The following PIK3C2G variants were observed in gnomAD, a reference collection of about 807,000 sequenced individuals.
PIK3C2G encodes the protein phosphatidylinositol 3-kinase C2 domain-containing subunit gamma.
A neutral mutation model predicts 181.1 loss-of-function variants in PIK3C2G; 168 were observed. That is an observed-to-expected ratio of 0.93 (90% confidence interval 0.82 to 1.05). The LOEUF is 1.05. PIK3C2G is among the 50% of genes least tolerant of loss of function. The pLI, the probability that PIK3C2G is intolerant of heterozygous loss-of-function variation, is 0.00. For synonymous variants in PIK3C2G, 573 were observed against 592.2 expected, an observed-to-expected ratio of 0.97 and a Z score of 0.47; for missense variants, 1,869 against 1,732.8, an observed-to-expected ratio of 1.08 and a Z score of -1.40.
Position 18,314,032 on chromosome 12 carries a change from A to G in PIK3C2G, c.1105A>G (p.Ser369Gly), listed in dbSNP as rs995521239. ...KSVIQLHLQK[S>G]REAPGKLSRK... ...TGTTATTCAGCTCCACCTGCAGAAA[A>G]GTAGGGAAGCTCCAGGAAAGCTATC... The change falls in exon 6 of 33, where the codon AGT becomes GGT. Residue 369 changes from serine to glycine, a missense_variant. Transcript: ENST00000538779. The G allele has an allele frequency of 1.1e-5, 17 of 1,584,254 alleles. No homozygotes were observed. Among genetic ancestry groups the G allele is most frequent in the Non-Finnish European group, 1.5e-5 (17 of 1,162,720 alleles).
At chr12:18,451,376 T>C (rs906803299) in intron 18 of PIK3C2G, among the ~76,000 whole-genome samples, 1 of 152,222 alleles carries the variant, frequency 6.6e-6, no homozygotes, top group Non-Finnish European at 1.5e-5. Flanking sequence ...GGCTCTATGC[T>C]TGTCTATTAT....
intron 1 of PIK3C2G, among the ~76,000 whole-genome samples, chr12:18,253,463 G>A (rs58140091): frequency 0.11 from 16,559 of 152,004 alleles, 1,410 homozygotes; most frequent in African/African-American, 0.22. Flanking sequence ...AGAGTAAAAC[G>A]TGTGTGTGTA....
chr12:18,487,434 T>C (rs903411385), intron 18 of PIK3C2G, among the ~76,000 whole-genome samples: 4 of 152,134 alleles, frequency 2.6e-5, no homozygotes, highest in East Asian at 1.9e-4. Flanking sequence ...AATCCTTTTT[T>C]TTTAAGTATT....
At chr12:18,406,548 A>C (rs987169532) in intron 16 of PIK3C2G, among the ~76,000 whole-genome samples, 2 of 152,164 alleles carry the variant, frequency 1.3e-5, no homozygotes, top group Non-Finnish European at 2.9e-5. Context: ...GGTCAGAAAA[A>C]CATGTTTGAT....
At chr12:18,553,282 C>G (rs1158715336) in intron 26 of PIK3C2G, among the ~76,000 whole-genome samples, 2 of 152,024 alleles carry the variant, frequency 1.3e-5, no homozygotes, top group African/African-American at 2.4e-5. Flanking sequence ...CATACAACTT[C>G]CTTTTAATAT....
the PIK3C2G span, among the ~76,000 whole-genome samples, chr12:18,680,818 G>C: frequency 2.6e-5 from 4 of 151,936 alleles, no homozygotes; most frequent in Non-Finnish European, 5.9e-5. Flanking sequence ...TGATCTGGGG[G>C]AGATTTCAAA....
chr12:18,582,493 C>A (rs961809300), intron 29 of PIK3C2G, among the ~76,000 whole-genome samples: 1 of 152,136 alleles, frequency 6.6e-6, no homozygotes, highest in Non-Finnish European at 1.5e-5. Flanking sequence ...GCACCAGGAG[C>A]TTTAGATACC....
At chr12:18,303,080 A>C (rs555239685) in intron 5 of PIK3C2G, among the ~76,000 whole-genome samples, 4 of 128,068 alleles carry the variant, frequency 3.1e-5, no homozygotes, top group East Asian at 2.8e-4. Context: ...TGATTTAAGT[A>C]ATTTCTTTTT....
At chr12:18,695,965 C>G in the PIK3C2G span, among the ~76,000 whole-genome samples, 3 of 152,084 alleles carry the variant, frequency 2.0e-5, no homozygotes, top group Non-Finnish European at 1.5e-5. Flanking sequence ...ATTTACCCCG[C>G]TTCAACCCAG....
At chr12:18,691,853 T>C in the PIK3C2G span, among the ~76,000 whole-genome samples, 1 of 152,178 alleles carries the variant, frequency 6.6e-6, no homozygotes, top group South Asian at 2.1e-4. Context: ...GCCAGCTACA[T>C]ACTTCACAGG....
At chr12:18,700,481 A>T in the PIK3C2G span, among the ~76,000 whole-genome samples, 11 of 130,904 alleles carry the variant, frequency 8.4e-5, no homozygotes, top group Non-Finnish European at 1.4e-4. Context: ...TGGTTCTGGG[A>T]TGTGCGCATA....
At chr12:18,540,949 C>T (rs902465395) in intron 25 of PIK3C2G, among the ~76,000 whole-genome samples, 2 of 151,904 alleles carry the variant, frequency 1.3e-5, no homozygotes, top group Non-Finnish European at 2.9e-5. Flanking sequence ...ATCATCAAAG[C>T]ATTTAGTGAA....
chr12:18,582,137 G>A (rs935189546), intron 29 of PIK3C2G, among the ~76,000 whole-genome samples: 5 of 152,174 alleles, frequency 3.3e-5, no homozygotes, highest in African/African-American at 9.7e-5. Context: ...AGCAGCTAGT[G>A]TGCATAGCTC....
rs373642574 is a variant in PIK3C2G, at chr12:18,303,656, CTCTAAG to C, written c.1034+9645_1034+9650del. Among the ~76,000 whole-genome samples the C allele has an allele frequency of 3.9e-3, 589 of 152,216 alleles. 6 individuals carry two copies. The highest frequency in any genetic ancestry group is 0.013 in the African/African-American group (558 of 41,548). Reference sequence around the variant, plus strand: ...GTAATTTCTTATCTCAAAAATCTTACTCTAAGTCTTTCTGTCTAATTTAACTTAAAA... The same window carrying C: ...GTAATTTCTTATCTCAAAAATCTTACTCTTTCTGTCTAATTTAACTTAAAA... On this transcript the variant is annotated intron_variant, in intron 5 of 32. Transcript: ENST00000538779.
intron 12 of PIK3C2G, among the ~76,000 whole-genome samples, chr12:18,363,816 C>T (rs1941444295): frequency 6.6e-6 from 1 of 152,096 alleles, no homozygotes; most frequent in Non-Finnish European, 1.5e-5. Flanking sequence ...GAGACTGTGT[C>T]CTGAAACATG....
intron 13 of PIK3C2G, among the ~76,000 whole-genome samples, chr12:18,373,604 C>T (rs1483911567): frequency 2.8e-4 from 42 of 152,142 alleles, no homozygotes; most frequent in Non-Finnish European, 4.4e-5. Context: ...AATCCCAGCA[C>T]TTTGGGAGGC....
intron 15 of PIK3C2G, among the ~76,000 whole-genome samples, chr12:18,392,024 G>A (rs559935531): frequency 6.6e-4 from 101 of 152,238 alleles, no homozygotes; most frequent in South Asian, 1.7e-3. Context: ...ACGACAAGTT[G>A]AAGAATGGAT....
chr12:18,498,301 ATTATAC>A (rs1391484847), intron 22 of PIK3C2G, among the ~76,000 whole-genome samples: 2 of 152,356 alleles, frequency 1.3e-5, no homozygotes, highest in Admixed American at 6.5e-5. Context: ...TGAAAACATA[ATTATAC>A]TTATGCACAT....
At chr12:18,534,891 G>A (rs570289152) in intron 24 of PIK3C2G, among the ~76,000 whole-genome samples, 2 of 151,182 alleles carry the variant, frequency 1.3e-5, no homozygotes, top group South Asian at 2.1e-4. Flanking sequence ...GTAAGCAAAG[G>A]TAAAACCACT....
Sources: allele counts gnomAD v4.1 joint callset (sites outside exome capture counted in the v4.1 genomes callset), GRCh38; gene constraint gnomAD v4.1.1; transcripts MANE v1.5; gene names NCBI Gene and HGNC (gene_info 2026-07-23, HGNC 2026-07-21).